The following CAST variants were observed in gnomAD, a reference collection of about 807,000 sequenced individuals.
The protein encoded by CAST is calpastatin.
Under a neutral mutation model 119.6 loss-of-function variants are expected in CAST, and 76 were observed. The observed-to-expected ratio is 0.64, with a 90% confidence interval of 0.53 to 0.77. The LOEUF (loss-of-function observed/expected upper bound fraction) is 0.77, where lower values mean the gene tolerates loss of function less well. Ranked by LOEUF, CAST falls within the 30% of genes least tolerant of loss-of-function variation. CAST has a pLI of 0.00. For synonymous variants in CAST, 319 were observed against 331.6 expected (o/e 0.96, Z 0.41); for missense variants, 953 against 946.5 (o/e 1.01, Z -0.09).
chr5:96,398,832 C>G, the CAST span: 1 of 1,450,632 alleles, frequency 6.9e-7, no homozygotes, highest in African/African-American at 1.4e-5. Context: ...TTGAATCATT[C>G]AACTTACACT....
At chr5:96,169,407 G>C in the CAST span, among the ~76,000 whole-genome samples, 72 of 152,258 alleles carry the variant, frequency 4.7e-4, no homozygotes, top group Middle Eastern at 3.4e-3. Context: ...GTGGAGGGAG[G>C]TATTGAGGAT....
the CAST span, among the ~76,000 whole-genome samples, chr5:96,086,152 T>C: frequency 2.0e-5 from 3 of 152,238 alleles, no homozygotes; most frequent in African/African-American, 7.2e-5. Context: ...ATATTTGTCA[T>C]ACTGTGTTTT....
Position 96,754,176 on chromosome 5 carries a change from G to A in CAST, c.1626+15G>A. On this transcript the variant is annotated intron_variant, in intron 21 of 31. Coordinates refer to ENST00000675179, the MANE Select transcript of CAST (RefSeq NM_001750.7). ...ATAAAGTCAAGGTAATGGCAACTGA[G>A]ATGCTTCTGGAAAATAAATATCATT... 6 of 1,407,412 alleles carry A rather than the reference G, an allele frequency of 4.3e-6. No individual in the cohort carries two copies. Among genetic ancestry groups the A allele is most frequent in the Non-Finnish European group, 6.1e-6 (6 of 991,398 alleles). The allele number at this position is 1,407,412 out of a possible 1,614,324, so 87.2% of individuals were successfully genotyped here.
chr5:95,968,603 T>A, the CAST span, among the ~76,000 whole-genome samples: 1 of 152,026 alleles, frequency 6.6e-6, no homozygotes, highest in African/African-American at 2.4e-5. Context: ...TTCCACAACA[T>A]GTCATGACAA....
At chr5:96,055,412 G>A in the CAST span, among the ~76,000 whole-genome samples, 1 of 152,172 alleles carries the variant, frequency 6.6e-6, no homozygotes, top group Non-Finnish European at 1.5e-5. Context: ...AATGTTACTA[G>A]ATGGTGTTGT....
the CAST span, among the ~76,000 whole-genome samples, chr5:96,435,700 G>A: frequency 2.0e-5 from 3 of 152,140 alleles, no homozygotes; most frequent in African/African-American, 7.2e-5. Context: ...TTAAGAGGAC[G>A]TGTTTCCATT....
the CAST span, among the ~76,000 whole-genome samples, chr5:96,295,476 A>T: frequency 6.6e-6 from 1 of 152,218 alleles, no homozygotes; most frequent in Non-Finnish European, 1.5e-5. Context: ...GTGTCTCTTC[A>T]CTAATTTGAA....
At chr5:96,460,591 T>G in the CAST span, among the ~76,000 whole-genome samples, 3 of 150,868 alleles carry the variant, frequency 2.0e-5, no homozygotes, top group South Asian at 6.2e-4. Context: ...CCCTCAAATA[T>G]AAAGAATCAG....
the CAST span, among the ~76,000 whole-genome samples, chr5:96,408,788 T>G: frequency 2.0e-5 from 3 of 152,256 alleles, no homozygotes; most frequent in East Asian, 5.8e-4. Flanking sequence ...CATCCTGGCC[T>G]TAGCCATTTG....
chr5:96,198,741 CA>C, the CAST span, among the ~76,000 whole-genome samples: 1 of 152,258 alleles, frequency 6.6e-6, no homozygotes, highest in African/African-American at 2.4e-5. Context: ...CCACATGGAG[CA>C]AAAGGGCTCA....
intron 3 of CAST, among the ~76,000 whole-genome samples, chr5:96,707,442 A>G (rs1450562944): frequency 6.6e-6 from 1 of 151,086 alleles, no homozygotes; most frequent in African/African-American, 2.4e-5. Context: ...GCTGGAGTGC[A>G]GTGGCACAAT....
At chr5:96,540,617 T>G (rs1265620594) in intron 1 of CAST, among the ~76,000 whole-genome samples, 2 of 152,180 alleles carry the variant, frequency 1.3e-5, no homozygotes, top group Non-Finnish European at 2.9e-5. Flanking sequence ...AAATTCATAG[T>G]TTATTTAGAT....
the CAST span, among the ~76,000 whole-genome samples, chr5:96,124,086 C>T: frequency 2.0e-5 from 3 of 152,164 alleles, no homozygotes; most frequent in East Asian, 5.8e-4. Flanking sequence ...AAAATTTAAT[C>T]ATCCCAATCA....
At chr5:96,642,557 T>G (rs75148416) in intron 1 of CAST, among the ~76,000 whole-genome samples, 1 of 150,582 alleles carries the variant, frequency 6.6e-6, no homozygotes, top group Non-Finnish European at 1.5e-5. Context: ...TTTTTTTTTT[T>G]TGAGACAAGA....
rs372565353 is a variant in CAST, at chr5:96,589,999, T to C, written c.60+60119T>C. Among the ~76,000 whole-genome samples, 117 of 152,332 alleles carry C rather than the reference T, an allele frequency of 7.7e-4. 1 individual carries two copies. The South Asian group carries it at 0.024, about 31-fold the overall frequency. On this transcript the variant is annotated intron_variant, in intron 1 of 11. Transcript: ENST00000505143. ...TATGTGAAACTGAACCAAGGCAGATTTAGTCAAATGAGAGTATTAGAGCAC... is the reference window on the plus strand; with the variant it reads ...TATGTGAAACTGAACCAAGGCAGATCTAGTCAAATGAGAGTATTAGAGCAC...
the CAST span, among the ~76,000 whole-genome samples, chr5:96,159,969 A>G: frequency 4.5e-5 from 1 of 22,424 alleles, no homozygotes; most frequent in Non-Finnish European, 1.1e-4. Flanking sequence ...GTCTCTACTA[A>G]AAAAAAAAAA....
At chr5:96,509,050 C>T in the CAST span, among the ~76,000 whole-genome samples, 1 of 152,166 alleles carries the variant, frequency 6.6e-6, no homozygotes, top group African/African-American at 2.4e-5. Context: ...TAAGTGATAT[C>T]ATTGTCATAG....
intron 16 of CAST, 108 bp downstream of exon 16, chr5:96,742,864 G>C (rs1003011964): frequency 7.7e-6 from 6 of 780,548 alleles, no homozygotes; most frequent in African/African-American, 3.4e-5. Flanking sequence ...GAGAGTAAAA[G>C]TGAGCATTCT....
the CAST span, among the ~76,000 whole-genome samples, chr5:96,491,123 C>A: frequency 2.6e-5 from 4 of 152,016 alleles, no homozygotes; most frequent in Admixed American, 2.6e-4. Flanking sequence ...AGTATTCAAC[C>A]TCATTAGCCA....
Sources: gnomAD v4.1 joint callset for allele counts (sites outside exome capture counted in the v4.1 genomes callset) on GRCh38, gnomAD v4.1.1 for gene constraint, MANE v1.5 for transcripts, NCBI Gene and HGNC (gene_info 2026-07-23, HGNC 2026-07-21) for gene names.